The following TTC28 variants were observed in gnomAD, a reference collection of about 807,000 sequenced individuals.
The protein encoded by TTC28 is tetratricopeptide repeat domain 28.
A neutral mutation model predicts 198.0 loss-of-function variants in TTC28; 61 were observed. The ratio of observed to expected loss-of-function variants is 0.31; its 90% CI spans 0.25 to 0.38. TTC28 has a LOEUF of 0.38. Among genes scored for constraint, TTC28 ranks in the 10% least tolerant of loss-of-function variants. TTC28 has a pLI of 1.00. For missense variants in TTC28, 2,678 were observed against 3,164.0 expected, an observed-to-expected ratio of 0.85 and a Z score of 3.69; for synonymous variants, 1,171 against 1,297.8, an observed-to-expected ratio of 0.90 and a Z score of 2.10.
intron 5 of TTC28, among the ~76,000 whole-genome samples, chr22:28,236,393 A>C (rs866457566): frequency 1.3e-5 from 2 of 152,280 alleles, no homozygotes; most frequent in Middle Eastern, 3.4e-3. Context: ...TGGTGTTCGG[A>C]GTAGAGTTCC....
At chr22:28,017,630 G>A (rs895046254) in intron 13 of TTC28, among the ~76,000 whole-genome samples, 4 of 152,272 alleles carry the variant, frequency 2.6e-5, no homozygotes, top group East Asian at 1.9e-4. Flanking sequence ...GATGCAGGCC[G>A]AAGAAGAAAG....
intron 2 of TTC28, among the ~76,000 whole-genome samples, chr22:28,390,127 T>A (rs1385051628): frequency 6.6e-6 from 1 of 152,178 alleles, no homozygotes; most frequent in Non-Finnish European, 1.5e-5. Context: ...GAGCAGGTTG[T>A]TCAGTTTCCA....
At chr22:28,187,303 T>G (rs939510757) in intron 5 of TTC28, among the ~76,000 whole-genome samples, 3 of 152,168 alleles carry the variant, frequency 2.0e-5, no homozygotes, top group African/African-American at 7.2e-5. Flanking sequence ...CCTATCAAAA[T>G]AATTTGTCAT....
chr22:28,372,961 G>T (rs1199262361), intron 2 of TTC28, among the ~76,000 whole-genome samples: 2 of 152,118 alleles, frequency 1.3e-5, no homozygotes, highest in African/African-American at 2.4e-5. Context: ...GCATTTAGCT[G>T]AACCCCTCTT....
At chr22:28,412,865 T>A (rs2047103731) in intron 2 of TTC28, among the ~76,000 whole-genome samples, 1 of 152,202 alleles carries the variant, frequency 6.6e-6, no homozygotes, top group Non-Finnish European at 1.5e-5. Flanking sequence ...TTAAAATATT[T>A]TATCTAAACC....
chr22:27,985,231 C>A lies in TTC28; in HGVS notation c.5815+18G>T. 6.5e-7 allele frequency: 1 copy of A among 1,540,412 alleles called. No individual in the cohort carries two copies. Among genetic ancestry groups the A allele is most frequent in the South Asian group, 1.2e-5 (1 of 83,540 alleles). On this transcript the variant is annotated intron_variant, in intron 22 of 22. Transcript: ENST00000397906. ...TGGCAGGCCCTGGTGGAGAACTGGT[C>A]TGAGGGCAGGCTCTTACCAAACAGA...
chr22:28,292,663 T>C (rs2044810901), intron 5 of TTC28, among the ~76,000 whole-genome samples: 1 of 152,232 alleles, frequency 6.6e-6, no homozygotes, highest in Non-Finnish European at 1.5e-5. Flanking sequence ...GAGTTTAGGA[T>C]CACATTCCAA....
At chr22:28,522,991 T>TA (rs1232192303) in intron 2 of TTC28, among the ~76,000 whole-genome samples, 3 of 152,046 alleles carry the variant, frequency 2.0e-5, no homozygotes, top group East Asian at 1.9e-4. Flanking sequence ...CATGAATACA[T>TA]AAAAAAATCA....
At chr22:28,368,584 C>T (rs771244973) in intron 2 of TTC28, among the ~76,000 whole-genome samples, 6 of 151,818 alleles carry the variant, frequency 4.0e-5, no homozygotes, top group Admixed American at 1.3e-4. Context: ...GGCATCCATA[C>T]TAAAACAGAA....
intron 2 of TTC28, among the ~76,000 whole-genome samples, chr22:28,477,873 A>G (rs1235474412): frequency 6.6e-6 from 1 of 152,220 alleles, no homozygotes; most frequent in East Asian, 1.9e-4. Context: ...AGGAAAAGAC[A>G]TGTGGGACAA....
At chr22:28,081,277 T>C (rs994333235) in intron 12 of TTC28, among the ~76,000 whole-genome samples, 5 of 151,728 alleles carry the variant, frequency 3.3e-5, no homozygotes, top group Admixed American at 2.6e-4. Flanking sequence ...GCCTTCCAGG[T>C]TCAAGCGATT....
intron 2 of TTC28, among the ~76,000 whole-genome samples, chr22:28,347,423 T>C (rs1052257398): frequency 2.0e-5 from 3 of 152,208 alleles, no homozygotes; most frequent in African/African-American, 2.4e-5. Flanking sequence ...GTTTTGTTGA[T>C]AGATTTTCAT....
chr22:28,607,190 T>C (rs1340805191), intron 2 of TTC28, among the ~76,000 whole-genome samples: 1 of 152,208 alleles, frequency 6.6e-6, no homozygotes, highest in Non-Finnish European at 1.5e-5. Context: ...TTATCAAACC[T>C]AGCATAAAAA....
chr22:28,440,457 C>T (rs1195511350), intron 2 of TTC28, among the ~76,000 whole-genome samples: 1 of 152,162 alleles, frequency 6.6e-6, no homozygotes, highest in Non-Finnish European at 1.5e-5. Context: ...TATACCCCAG[C>T]TGCATGCTCC....
chr22:28,393,841 A>G (rs134539), intron 2 of TTC28, among the ~76,000 whole-genome samples: 151,441 of 152,356 alleles, frequency 0.99, 75,269 homozygotes, highest in East Asian at 1. Context: ...TCATCTTGGA[A>G]CAAGCCTTAT....
intron 2 of TTC28, among the ~76,000 whole-genome samples, chr22:28,466,052 G>A (rs2048015263): frequency 6.6e-6 from 1 of 152,138 alleles, no homozygotes; most frequent in East Asian, 1.9e-4. Flanking sequence ...CCTTTATTCT[G>A]TGTGGCCAAA....
intron 2 of TTC28, among the ~76,000 whole-genome samples, chr22:28,568,486 T>TAGGA (rs2050014505): frequency 6.6e-6 from 1 of 152,198 alleles, no homozygotes; most frequent in African/African-American, 2.4e-5. Flanking sequence ...TAAAGGCTCC[T>TAGGA]AGATCTGATA....
chr22:28,388,506 C>T (rs2046655950), intron 2 of TTC28, among the ~76,000 whole-genome samples: 1 of 152,124 alleles, frequency 6.6e-6, no homozygotes. Flanking sequence ...TTGTTTGTAT[C>T]CTCTTTTATT....
At chr22:28,389,454 A>T (rs1285157077) in intron 2 of TTC28, among the ~76,000 whole-genome samples, 3 of 149,188 alleles carry the variant, frequency 2.0e-5, no homozygotes, top group Non-Finnish European at 4.5e-5. Flanking sequence ...AGAATTCGGC[A>T]GTGAATCCAT....
Sources: gnomAD v4.1 joint callset for allele counts (sites outside exome capture counted in the v4.1 genomes callset) on GRCh38, gnomAD v4.1.1 for gene constraint, MANE v1.5 for transcripts, NCBI Gene and HGNC (gene_info 2026-07-23, HGNC 2026-07-21) for gene names.